The following GABPB1 variants were observed in gnomAD, a reference collection of about 807,000 sequenced individuals.
The protein encoded by GABPB1 is GA binding protein transcription factor subunit beta 1.
A neutral mutation model predicts 45.9 loss-of-function variants in GABPB1; 15 were observed. The observed-to-expected ratio is 0.33, with a 90% CI of 0.22 to 0.50. The LOEUF (loss-of-function observed/expected upper bound fraction) is 0.50. Ranked by LOEUF, GABPB1 falls within the 20% of genes least tolerant of loss-of-function variation. The probability of loss-of-function intolerance (pLI) is 0.98; values close to 1 mark genes in which losing one functional copy is unlikely to be tolerated. For missense variants in GABPB1, 252 were observed against 457.5 expected, an observed-to-expected ratio of 0.55 and a Z score of 4.10; for synonymous variants, 143 against 154.4, an observed-to-expected ratio of 0.93 and a Z score of 0.55.
Position 50,289,620 on chromosome 15 carries a change from A to G in GABPB1, c.746T>C (p.Ile249Thr), listed in dbSNP as rs776790033. The G allele has an allele frequency of 6.2e-7, 1 of 1,613,088 alleles. No individual in the cohort carries two copies. The highest frequency in any genetic ancestry group is 8.5e-7 in the Non-Finnish European group (1 of 1,179,636). Residue 249 changes from isoleucine (I) to threonine (T), a missense_variant, in exon 7 of 9, where the codon ATT becomes ACT. Coordinates refer to ENST00000380877, the MANE Select transcript of GABPB1 (RefSeq NM_016654.5). ...VVTAESVDGA[I>T]QQVVSSGGQQ... ...ACCCCCTGAACTAACTACTTGCTGA[A>G]TGGCACCATCCACAGATTCTGCAGT... is the stretch of plus-strand genomic sequence containing the variant.
chr15:50,327,760 G>A (rs182917549), intron 1 of GABPB1, among the ~76,000 whole-genome samples: 52 of 152,094 alleles, frequency 3.4e-4, no homozygotes, highest in Non-Finnish European at 5.6e-4. Context: ...TTAGCTGGGC[G>A]TGGTGGTGCA....
intron 4 of GABPB1, among the ~76,000 whole-genome samples, chr15:50,302,670 G>A (rs1384179234): frequency 7.2e-4 from 70 of 96,736 alleles, no homozygotes; most frequent in Non-Finnish European, 1.2e-3. Flanking sequence ...AAAAAAAAAA[G>A]GTCTAAAGGG....
chr15:50,332,080 G>A (rs1208043143), intron 1 of GABPB1, among the ~76,000 whole-genome samples: 1 of 151,902 alleles, frequency 6.6e-6, no homozygotes, highest in Non-Finnish European at 1.5e-5. Context: ...TCACCATGTT[G>A]ATCATGCTGG....
intron 1 of GABPB1, chr15:50,354,131 C>G (rs918837903): frequency 3.3e-6 from 1 of 304,486 alleles, no homozygotes; most frequent in Non-Finnish European, 6.4e-6. Context: ...CACGCTGATT[C>G]AACACACTTG....
chr15:50,341,253 G>T (rs2048365679), intron 1 of GABPB1, among the ~76,000 whole-genome samples: 4 of 151,958 alleles, frequency 2.6e-5, no homozygotes, highest in Admixed American at 6.6e-5. Flanking sequence ...AATGATTTAG[G>T]CCAGGCACGG....
intron 8 of GABPB1, chr15:50,282,417 C>T: frequency 2.6e-6 from 1 of 391,920 alleles, no homozygotes; most frequent in South Asian, 1.9e-5. Flanking sequence ...TAAAAATAAA[C>T]TTAGCCGGGT....
chr15:50,324,902 A>G (rs1303865194), intron 1 of GABPB1, among the ~76,000 whole-genome samples: 1 of 152,072 alleles, frequency 6.6e-6, no homozygotes, highest in African/African-American at 2.4e-5. Flanking sequence ...TGTTAAGAAA[A>G]TAAAGGAGGT....
intron 8 of GABPB1, 76 bp downstream of exon 8, chr15:50,285,992 T>G (rs768519695): frequency 6.4e-7 from 1 of 1,566,220 alleles, no homozygotes; most frequent in Non-Finnish European, 8.6e-7. Flanking sequence ...CTGTCAGTAA[T>G]AAATATAAAA....
chr15:50,283,518 TG>T (rs138568570), intron 8 of GABPB1, among the ~76,000 whole-genome samples: 11,340 of 151,410 alleles, frequency 0.075, 1,282 homozygotes, highest in African/African-American at 0.25. Flanking sequence ...AGCACCTTAT[TG>T]TTTTTTTTTT....
At chr15:50,344,540 C>A (rs2141169207) in intron 1 of GABPB1, among the ~76,000 whole-genome samples, 1 of 152,288 alleles carries the variant, frequency 6.6e-6, no homozygotes, top group Middle Eastern at 3.4e-3. Context: ...AATTCCAAGA[C>A]AAACTGGGAG....
chr15:50,281,362 C>T (rs972701738), intron 8 of GABPB1, among the ~76,000 whole-genome samples: 2 of 148,378 alleles, frequency 1.3e-5, no homozygotes, highest in African/African-American at 2.4e-5. Flanking sequence ...TAGGCGCACG[C>T]CACCATGCTC....
At chr15:50,301,600 G>T (rs564343062) in intron 4 of GABPB1, among the ~76,000 whole-genome samples, 2 of 152,084 alleles carry the variant, frequency 1.3e-5, no homozygotes, top group East Asian at 3.8e-4. Flanking sequence ...GAGGAGAAAC[G>T]AGTATCTAAA....
At chr15:50,301,450 T>C in intron 4 of GABPB1, 82 bp from the exon 5 acceptor site, 1 of 1,214,900 alleles carries the variant, frequency 8.2e-7, no homozygotes, top group East Asian at 2.3e-5. Flanking sequence ...CAAACACATA[T>C]AAAGGAGTAT....
At position 50,289,672 on chromosome 15, in the gene GABPB1, GAAAA is replaced by G; in HGVS notation, c.698-8_698-5del. On this transcript the variant is annotated splice_polypyrimidine_tract_variant and splice_region_variant and intron_variant, in intron 6 of 8. Coordinates refer to ENST00000380877, the MANE Select transcript of GABPB1 (RefSeq NM_016654.5). ...ACTACTTCTTCTGTGGCCACTACTG[GAAAA>G]AAAAAAAAGAAAACTCAGCAAACAT... 3.2e-6 allele frequency: 4 copies of G among 1,247,632 alleles called. No homozygotes were observed. The highest frequency in any genetic ancestry group is 2.3e-5 in the Admixed American group (1 of 42,696). 77.3% of individuals were successfully genotyped at this position (1,247,632 alleles called of 1,614,324 possible). A position where few individuals can be genotyped will look rare whatever the true frequency, so the allele number is the denominator to read the frequency against.
At chr15:50,285,913 G>C (rs1227153252) in intron 8 of GABPB1, 155 bp downstream of exon 8, 42 of 1,395,956 alleles carry the variant, frequency 3.0e-5, no homozygotes, top group Non-Finnish European at 1.2e-5. Context: ...TTGAGGGCTT[G>C]CTATATGTAT....
chr15:50,299,356 CA>C (rs1240455352), intron 6 of GABPB1, among the ~76,000 whole-genome samples: 1 of 152,030 alleles, frequency 6.6e-6, no homozygotes, highest in Non-Finnish European at 1.5e-5. Context: ...TTGTATAAAC[CA>C]AATGTTCATG....
intron 1 of GABPB1, among the ~76,000 whole-genome samples, chr15:50,319,765 G>A (rs964320278): frequency 2.0e-5 from 3 of 151,344 alleles, no homozygotes; most frequent in East Asian, 3.9e-4. Flanking sequence ...TTGAACCCAG[G>A]AGGCAGAGGT....
intron 1 of GABPB1, among the ~76,000 whole-genome samples, chr15:50,335,036 C>G (rs530261171): frequency 1.6e-4 from 24 of 152,282 alleles, no homozygotes; most frequent in African/African-American, 5.3e-4. Context: ...GATGAAGGAG[C>G]CTTCCTTTGA....
At chr15:50,336,962 T>C (rs2048151143) in intron 1 of GABPB1, among the ~76,000 whole-genome samples, 1 of 150,638 alleles carries the variant, frequency 6.6e-6, no homozygotes, top group Admixed American at 6.6e-5. Context: ...GGAGGATCAC[T>C]TGAGCCCAAG....
Sources: allele counts gnomAD v4.1 joint callset (sites outside exome capture counted in the v4.1 genomes callset), GRCh38; gene constraint gnomAD v4.1.1; transcripts MANE v1.5; gene names NCBI Gene and HGNC (gene_info 2026-07-23, HGNC 2026-07-21).